The following CC2D1A variants were observed in gnomAD, a reference collection of about 807,000 sequenced individuals.
The protein encoded by CC2D1A is coiled-coil and C2 domain containing 1A.
A neutral mutation model predicts 123.8 loss-of-function variants in CC2D1A; 68 were observed. That is an observed-to-expected ratio of 0.55 (90% CI 0.45 to 0.67). The LOEUF is 0.67. CC2D1A is among the 30% of genes least tolerant of loss of function. The pLI is 0.00. For synonymous variants in CC2D1A, 477 were observed against 528.0 expected, an observed-to-expected ratio of 0.90 and a Z score of 1.32; for missense variants, 1,185 against 1,290.3, an observed-to-expected ratio of 0.92 and a Z score of 1.25.
At chr19:13,929,258 G>C in intron 24 of CC2D1A, 121 bp from the exon 25 acceptor site, 1 of 994,216 alleles carries the variant, frequency 1.0e-6, no homozygotes, top group Non-Finnish European at 1.6e-6. Context: ...ACTCACCTCC[G>C]CCTCCCAAAG....
chr19:13,928,960 C>T (rs892930303), intron 24 of CC2D1A, among the ~76,000 whole-genome samples: 2 of 150,640 alleles, frequency 1.3e-5, no homozygotes, highest in African/African-American at 4.9e-5. Flanking sequence ...CTGCCTGCCT[C>T]GGCCTCCCAA....
Position 13,913,532 on chromosome 19 carries a change from G to A in CC2D1A, c.642G>A (p.Pro214=), listed in dbSNP as rs200845144. 225 of 1,614,132 alleles carry A rather than the reference G, an allele frequency of 1.4e-4. No individual in the cohort carries two copies. The highest frequency in any genetic ancestry group is 8.0e-4 in the South Asian group (73 of 91,080). The change falls in exon 6 of 29, where the codon CCG becomes CCA. Residue 214 remains proline, a synonymous_variant. Coordinates refer to ENST00000318003, the MANE Select transcript of CC2D1A (RefSeq NM_017721.5). ...TPTYSPAPTQ[P]APRIASAPEP... is the part of the protein sequence containing the mutation. ...CCTACAGCCCTGCACCCACCCAGCC[G>A]GCCCCTAGAATCGCGTCAGCCCCAG...
At chr19:13,920,311 G>A (rs2145336626) in intron 12 of CC2D1A, 3 of 540,920 alleles carry the variant, frequency 5.5e-6, no homozygotes, top group Non-Finnish European at 9.6e-6. Context: ...GGAGGCAGAG[G>A]TTGCAGTGAG....
intron 11 of CC2D1A, among the ~76,000 whole-genome samples, chr19:13,919,511 G>A (rs1043380952): frequency 2.6e-5 from 4 of 152,040 alleles, no homozygotes; most frequent in African/African-American, 9.7e-5. Flanking sequence ...GCTGAGGTGG[G>A]AAAATCACTT....
In CC2D1A at chr19:13,912,514, G is replaced by C. The variant is rs577153402; in HGVS notation, c.313-14G>C. 2.5e-6 allele frequency: 4 copies of C among 1,614,026 alleles called. No individual in the cohort carries two copies. The African/African-American group carries it at 4.0e-5, about 16-fold the overall frequency. ...CAGGCCCTTATATCCTGCCCTGGCT[G>C]TGTGTCCCTGCAGGCGGAGCTAAAT... On this transcript the variant is annotated splice_polypyrimidine_tract_variant and intron_variant, in intron 3 of 28. Transcript: ENST00000318003.
chr19:13,919,288 G>A (rs1362331793), intron 11 of CC2D1A, 86 bp downstream of exon 11: 12 of 1,070,228 alleles, frequency 1.1e-5, no homozygotes, highest in African/African-American at 1.6e-5. Context: ...GGCAGGCTGT[G>A]CCCCAAGCTC....
At chr19:13,920,084 C>T in intron 12 of CC2D1A, 133 bp downstream of exon 12, 2 of 952,422 alleles carry the variant, frequency 2.1e-6, no homozygotes, top group Non-Finnish European at 1.5e-6. Flanking sequence ...CCCGTCTCTA[C>T]AAAAAAATTT....
intron 1 of CC2D1A, among the ~76,000 whole-genome samples, chr19:13,907,732 AC>A (rs1364520905): frequency 6.6e-6 from 1 of 152,016 alleles, no homozygotes; most frequent in Non-Finnish European, 1.5e-5. Flanking sequence ...AAAAATGGAG[AC>A]CTCCAAGAGA....
Position 13,923,586 on chromosome 19 carries a change from C to T in CC2D1A, c.1803C>T (p.Gly601=). 1 of 1,614,170 alleles carries T rather than the reference C, an allele frequency of 6.2e-7. No individual in the cohort carries two copies. Among genetic ancestry groups the T allele is most frequent in the South Asian group, 1.1e-5 (1 of 91,076 alleles). Residue 601 remains glycine, a synonymous_variant, in exon 16 of 29, where the codon GGC becomes GGT. Transcript: ENST00000318003. The surrounding 1 kb of genome is among the most constrained non-coding windows in gnomAD (Gnocchi z 5.3). ...LNHSNQFTQL[G]NITETTKFEK... Reference sequence around the variant, plus strand: ...ACTCAAACCAATTCACCCAGCTGGGCAACATCACTGAAACCACCAAGTAAG... The same window carrying T: ...ACTCAAACCAATTCACCCAGCTGGGTAACATCACTGAAACCACCAAGTAAG...
At chr19:13,920,991 C>T (rs1971395488) in intron 14 of CC2D1A, 69 bp downstream of exon 14, 8 of 1,436,258 alleles carry the variant, frequency 5.6e-6, no homozygotes, top group Non-Finnish European at 4.7e-6. Flanking sequence ...TTAGCAGCCA[C>T]GTGAACTAGA....
Position 13,923,381 on chromosome 19 carries a change from C to T in CC2D1A, c.1690C>T (p.Pro564Ser), listed in dbSNP as rs376158137. 3 of 1,612,420 alleles carry T rather than the reference C, an allele frequency of 1.9e-6. No individual in the cohort carries two copies. Among genetic ancestry groups the T allele is most frequent in the African/African-American group, 1.3e-5 (1 of 74,940 alleles). Residue 564 changes from proline (P) to serine (S), a missense_variant, in exon 15 of 29, where the codon CCT becomes TCT. Coordinates refer to ENST00000318003, the MANE Select transcript of CC2D1A (RefSeq NM_017721.5). This position sits in a 1 kb window ranked among gnomAD's most constrained non-coding sequence, Gnocchi z 5.3. ...GGACGACTTTGCCCTGGTCCAGCGG[C>T]CTGGCCCGGGTCTGTCTCAGGAGGC... The part of the protein sequence containing the change: ...NKDDFALVQR[P>S]GPGLSQEAAR...
chr19:13,909,522 T>C (rs745464160), intron 1 of CC2D1A, among the ~76,000 whole-genome samples: 2 of 152,076 alleles, frequency 1.3e-5, no homozygotes, highest in Non-Finnish European at 2.9e-5. Flanking sequence ...CGTGAGCCAC[T>C]GCGCCCAGCC....
chr19:13,923,277 C>G lies in CC2D1A; in HGVS notation c.1642-56C>G. On this transcript the variant is annotated intron_variant, in intron 14 of 28. Transcript: ENST00000318003. This position sits in a 1 kb window ranked among gnomAD's most constrained non-coding sequence, Gnocchi z 5.3. ...AAGGAAGAATGACATTTCTGCAGAG[C>G]CCTAGGTGGGCCTGCTTGTCCTCCT... The G allele has an allele frequency of 6.4e-7, 1 of 1,561,838 alleles. No individual in the cohort carries two copies. Among genetic ancestry groups the G allele is most frequent in the Non-Finnish European group, 8.6e-7 (1 of 1,161,268 alleles).
At chr19:13,920,157 G>A (rs1971358712) in intron 12 of CC2D1A, 2 of 539,412 alleles carry the variant, frequency 3.7e-6, no homozygotes, top group South Asian at 5.1e-5. Flanking sequence ...AGACTGAGGT[G>A]GGAGGATCAC....
chr19:13,908,261 C>T lies in CC2D1A; in HGVS notation c.61-1562C>T, dbSNP rs1430473990. Among the ~76,000 whole-genome samples the T allele has an allele frequency of 1.4e-4, 22 of 152,238 alleles. 1 individual carries two copies. In the South Asian group the frequency reaches 3.7e-3, roughly 26 times the overall value. ...CCCATCTCAGGTGACCCGCCTGCCT[C>T]GGCCTCCCAAAGTGCTGGGGTTACA... On this transcript the variant is annotated intron_variant, in intron 1 of 28. Coordinates refer to ENST00000318003, the MANE Select transcript of CC2D1A (RefSeq NM_017721.5).
intron 1 of CC2D1A, 133 bp from the exon 2 acceptor site, chr19:13,909,689 TG>T (rs1970924722): frequency 1.7e-6 from 2 of 1,191,562 alleles, no homozygotes; most frequent in Non-Finnish European, 2.5e-6. Context: ...TCCAGCCTCC[TG>T]GCACTCCCCA....
In CC2D1A at chr19:13,906,516, C is replaced by A. The variant is rs971561543; in HGVS notation, c.60+15C>A. ...CCGCCCGCCAGGTGAGTTTGCGCCC[C>A]ACGGCCCGACCTGGGGATCCCTCCC... On this transcript the variant is annotated intron_variant, in intron 1 of 28. Coordinates refer to ENST00000318003, the MANE Select transcript of CC2D1A (RefSeq NM_017721.5). This position sits in a 1 kb window ranked among gnomAD's most constrained non-coding sequence, Gnocchi z 4.1. 16 of 1,472,422 alleles carry A rather than the reference C, an allele frequency of 1.1e-5. No individual in the cohort carries two copies. The highest frequency in any genetic ancestry group is 1.4e-5 in the Non-Finnish European group (16 of 1,115,298). The allele number at this position is 1,472,422 out of a possible 1,614,324, so 91.2% of individuals were successfully genotyped here.
rs1314032176 is a variant in CC2D1A, at chr19:13,926,864, A to T, written c.2117A>T (p.Asp706Val). The T allele has an allele frequency of 5.0e-6, 8 of 1,613,346 alleles. No homozygotes were observed. Among genetic ancestry groups the T allele is most frequent in the Non-Finnish European group, 6.8e-6 (8 of 1,179,848 alleles). Reference sequence around the variant, plus strand: ...AAGACCAGTGTGATCAAGAACACAGACTCCCCTGGTGAGCCTCGGCTGGAA... The same window carrying T: ...AAGACCAGTGTGATCAAGAACACAGTCTCCCCTGGTGAGCCTCGGCTGGAA... ...KDKTSVIKNT[D>V]SPEFKEQFKL... The change falls in exon 20 of 29, where the codon GAC becomes GTC. Residue 706 changes from aspartate (D) to valine (V), a missense_variant. Asp to Val is a radical substitution (Grantham distance 152, BLOSUM62 -3). Coordinates refer to ENST00000318003, the MANE Select transcript of CC2D1A (RefSeq NM_017721.5).
Position 13,918,921 on chromosome 19 carries a change from C to G in CC2D1A, c.1028C>G (p.Pro343Arg), listed in dbSNP as rs1314481770. ...CCCCTGTCCGGCCCAGAGGTGCCCC[C>G]ACCCCCGAGGACCCTGCTGGAGGCG... ...ATAPSTTEVP[P>R]PPRTLLEALE... The change falls in exon 10 of 29, where the codon CCA becomes CGA. Residue 343 changes from proline to arginine, a missense_variant. Physicochemically the swap from Pro to Arg is moderately radical, Grantham distance 103 (BLOSUM62 -2). Coordinates refer to ENST00000318003, the MANE Select transcript of CC2D1A (RefSeq NM_017721.5). 6.2e-7 allele frequency: 1 copy of G among 1,609,552 alleles called. No homozygotes were observed. The highest frequency in any genetic ancestry group is 8.5e-7 in the Non-Finnish European group (1 of 1,177,430).
Sources: allele counts gnomAD v4.1 joint callset (sites outside exome capture counted in the v4.1 genomes callset), GRCh38; gene constraint gnomAD v4.1.1; non-coding constraint Gnocchi (gnomAD v3.1); transcripts MANE v1.5; gene names NCBI Gene and HGNC (gene_info 2026-07-23, HGNC 2026-07-21).